THSD7B: variants seen among roughly 807,000 people sequenced by gnomAD.
The protein encoded by THSD7B is thrombospondin type 1 domain containing 7B, also known as thrombospondin type-1 domain-containing protein 7B.
Under a neutral mutation model 213.6 loss-of-function variants are expected in THSD7B, and 138 were observed. The ratio of observed to expected loss-of-function variants is 0.65; its 90% confidence interval spans 0.56 to 0.74. THSD7B has a LOEUF of 0.74. Among genes scored for constraint, THSD7B ranks in the 30% least tolerant of loss-of-function variants. The probability of loss-of-function intolerance (pLI) is 0.00; values close to 1 mark genes in which losing one functional copy is unlikely to be tolerated. For synonymous variants in THSD7B, 742 were observed against 687.0 expected (o/e 1.08, Z -1.25); for missense variants, 1,931 against 1,991.5 (o/e 0.97, Z 0.58).
At chr2:137,238,647 G>A (rs1054821900) in intron 9 of THSD7B, among the ~76,000 whole-genome samples, 1 of 140,584 alleles carries the variant, frequency 7.1e-6, no homozygotes, top group Non-Finnish European at 1.5e-5. Context: ...TCCGCTTCCC[G>A]GGTTCACGCC....
At chr2:137,332,398 A>C (rs1038669604) in intron 12 of THSD7B, among the ~76,000 whole-genome samples, 5 of 152,062 alleles carry the variant, frequency 3.3e-5, no homozygotes, top group African/African-American at 1.2e-4. Context: ...GGGCGTATTT[A>C]CTCAAAGCCT....
intron 1 of THSD7B, among the ~76,000 whole-genome samples, chr2:136,842,243 C>A (rs527628588): frequency 6.6e-6 from 1 of 152,124 alleles, no homozygotes; most frequent in African/African-American, 2.4e-5. Flanking sequence ...AAAAGAACTG[C>A]GCTGGGTTAT....
chr2:136,834,656 T>C (rs1682816102), intron 1 of THSD7B, among the ~76,000 whole-genome samples: 2 of 152,094 alleles, frequency 1.3e-5, no homozygotes, highest in Admixed American at 1.3e-4. Flanking sequence ...TTCTATAAAT[T>C]GTGAAATGCT....
At chr2:136,834,508 A>C (rs1682814032) in intron 1 of THSD7B, among the ~76,000 whole-genome samples, 1 of 151,990 alleles carries the variant, frequency 6.6e-6, no homozygotes, top group African/African-American at 2.4e-5. Flanking sequence ...GTTGTTTCCC[A>C]AGGAAAGCCA....
intron 15 of THSD7B, among the ~76,000 whole-genome samples, chr2:137,556,530 C>A (rs1222230745): frequency 6.6e-6 from 1 of 152,152 alleles, no homozygotes; most frequent in Non-Finnish European, 1.5e-5. Context: ...CCTAAAAGAG[C>A]TCCTGAAGAA....
At chr2:137,281,384 T>C (rs1047624114) in intron 12 of THSD7B, among the ~76,000 whole-genome samples, 1 of 151,992 alleles carries the variant, frequency 6.6e-6, no homozygotes, top group Non-Finnish European at 1.5e-5. Flanking sequence ...TACTGGATGA[T>C]AATGTGACTT....
intron 3 of THSD7B, among the ~76,000 whole-genome samples, chr2:137,083,800 T>A (rs1175101701): frequency 6.6e-6 from 1 of 152,138 alleles, no homozygotes; most frequent in Non-Finnish European, 1.5e-5. Context: ...TCCCTTGTAA[T>A]TATGCTATAA....
chr2:136,814,499 C>T (rs931828400), intron 1 of THSD7B, among the ~76,000 whole-genome samples: 9 of 151,922 alleles, frequency 5.9e-5, no homozygotes, highest in Middle Eastern at 3.4e-3. Flanking sequence ...CTGGGGTTCA[C>T]GCCATTCTCC....
chr2:136,774,554 C>T (rs1300499124), intron 1 of THSD7B, among the ~76,000 whole-genome samples: 1 of 152,124 alleles, frequency 6.6e-6, no homozygotes, highest in Non-Finnish European at 1.5e-5. Context: ...AACCTCTATT[C>T]AGCTGTACAT....
intron 15 of THSD7B, among the ~76,000 whole-genome samples, chr2:137,551,738 C>T (rs1173887934): frequency 6.6e-6 from 1 of 151,996 alleles, no homozygotes; most frequent in Non-Finnish European, 1.5e-5. Context: ...AAGATGATTC[C>T]TAACAAACCA....
rs759744125 is a variant in THSD7B at position 137,275,941 on chromosome 2, G to T, written c.2415G>T (p.Trp805Cys). The T allele has an allele frequency of 1.2e-6, 2 of 1,611,642 alleles. No individual in the cohort carries two copies. Among genetic ancestry groups the T allele is most frequent in the Middle Eastern group, 1.7e-4 (1 of 6,036 alleles). The stretch of plus-strand genomic sequence containing the variant: ...ATCACAGGTGGAAGCCACAGAAATG[G>T]AGCCCTTGCATCTTAGTGCCAGAGT... ...CPVYRWKPQK[W>C]SPCILVPESV... is the part of the protein sequence containing the mutation. The change falls in exon 12 of 28, where the codon TGG becomes TGT. Residue 805 changes from tryptophan (W) to cysteine (C), a missense_variant. Physicochemically the swap from Trp to Cys is radical, Grantham distance 215. Transcript: ENST00000409968.
intron 2 of THSD7B, among the ~76,000 whole-genome samples, chr2:136,889,060 G>A (rs1306638837): frequency 6.6e-6 from 1 of 151,936 alleles, no homozygotes; most frequent in Non-Finnish European, 1.5e-5. Flanking sequence ...AGTATATATT[G>A]AGGAGAGGAT....
intron 12 of THSD7B, among the ~76,000 whole-genome samples, chr2:137,324,060 C>T (rs1236739202): frequency 6.6e-6 from 1 of 152,286 alleles, no homozygotes; most frequent in Admixed American, 6.5e-5. Flanking sequence ...TATCTTTTCC[C>T]TCATTGTCAC....
At chr2:136,910,900 T>C (rs1454415887) in intron 2 of THSD7B, among the ~76,000 whole-genome samples, 1 of 152,192 alleles carries the variant, frequency 6.6e-6, no homozygotes, top group Non-Finnish European at 1.5e-5. Context: ...TTGTAAATAT[T>C]ACCCCAAATT....
At chr2:137,281,371 T>A (rs556795866) in intron 12 of THSD7B, among the ~76,000 whole-genome samples, 2 of 152,122 alleles carry the variant, frequency 1.3e-5, no homozygotes, top group African/African-American at 2.4e-5. Context: ...TTATTTATTT[T>A]TTTACTGGAT....
intron 2 of THSD7B, among the ~76,000 whole-genome samples, chr2:137,054,852 TTGC>T (rs2104875136): frequency 6.6e-6 from 1 of 152,084 alleles, no homozygotes; most frequent in East Asian, 1.9e-4. Flanking sequence ...CCATGGTGGT[TTGC>T]TGCACCTGTC....
At chr2:136,811,018 C>G (rs970181776) in intron 1 of THSD7B, among the ~76,000 whole-genome samples, 1 of 152,120 alleles carries the variant, frequency 6.6e-6, no homozygotes, top group Non-Finnish European at 1.5e-5. Context: ...GAATGGAACC[C>G]AACTTGACAG....
chr2:136,956,173 A>C (rs1362163234), intron 2 of THSD7B, among the ~76,000 whole-genome samples: 1 of 152,240 alleles, frequency 6.6e-6, no homozygotes, highest in Non-Finnish European at 1.5e-5. Context: ...CTGTGTAAGG[A>C]AGCTAACTGC....
At chr2:137,434,275 C>G (rs1687245995) in intron 14 of THSD7B, among the ~76,000 whole-genome samples, 1 of 152,196 alleles carries the variant, frequency 6.6e-6, no homozygotes, top group Non-Finnish European at 1.5e-5. Context: ...CATCTCCTTT[C>G]TTCTCTACAA....
Sources: allele counts gnomAD v4.1 joint callset (sites outside exome capture counted in the v4.1 genomes callset), GRCh38; gene constraint gnomAD v4.1.1; transcripts MANE v1.5; gene names NCBI Gene and HGNC (gene_info 2026-07-23, HGNC 2026-07-21).